Variants in CFAP263 observed in about 807,000 individuals in gnomAD.
CFAP263 encodes cilia- and flagella-associated protein 263.
chr16:58,269,277 G>A, the CFAP263 span, among the ~76,000 whole-genome samples: 1 of 152,258 alleles, frequency 6.6e-6, no homozygotes, highest in East Asian at 1.9e-4. Context: ...GTTGCAGTGA[G>A]CCAAGATCGT....
the CFAP263 span, among the ~76,000 whole-genome samples, chr16:58,276,753 T>C: frequency 6.8e-3 from 1,035 of 152,344 alleles, 2 homozygotes; most frequent in Middle Eastern, 0.014. Flanking sequence ...GATTAAACAG[T>C]TAAGTGACTG....
At chr16:58,254,857 G>A in the CFAP263 span, among the ~76,000 whole-genome samples, 4 of 151,926 alleles carry the variant, frequency 2.6e-5, no homozygotes, top group African/African-American at 4.8e-5. Flanking sequence ...CGCCTGCCTC[G>A]GCCTCCCAAA....
the CFAP263 span, among the ~76,000 whole-genome samples, chr16:58,265,245 G>A: frequency 5.8e-3 from 884 of 152,370 alleles, 12 homozygotes; most frequent in East Asian, 0.056. Context: ...TCTGTTCAAT[G>A]ATTCGGTTAT....
At chr16:58,276,008 A>G in the CFAP263 span, among the ~76,000 whole-genome samples, 1 of 152,248 alleles carries the variant, frequency 6.6e-6, no homozygotes, top group African/African-American at 2.4e-5. Context: ...CATAGCAAAA[A>G]TGATCATAAG....
the CFAP263 span, among the ~76,000 whole-genome samples, chr16:58,266,852 A>G: frequency 6.6e-6 from 1 of 152,146 alleles, no homozygotes; most frequent in East Asian, 1.9e-4. Context: ...GGACTCCTCT[A>G]AAACTAGCAG....
At chr16:58,257,555 T>C in the CFAP263 span, among the ~76,000 whole-genome samples, 3 of 152,180 alleles carry the variant, frequency 2.0e-5, no homozygotes, top group African/African-American at 7.2e-5. Context: ...TGCCTCAGCC[T>C]CCTGAGCAGC....
chr16:58,274,086 T>C, the CFAP263 span, among the ~76,000 whole-genome samples: 2 of 152,220 alleles, frequency 1.3e-5, no homozygotes, highest in Non-Finnish European at 2.9e-5. Context: ...AGCTAATTGC[T>C]CTATTGCTTT....
chr16:58,279,783 G>C, the CFAP263 span: 1 of 1,606,480 alleles, frequency 6.2e-7, no homozygotes, highest in Non-Finnish European at 8.5e-7. Flanking sequence ...AGTAGCCAGA[G>C]GCAGGCCACG....
the CFAP263 span, among the ~76,000 whole-genome samples, chr16:58,276,558 C>CA: frequency 1.3e-5 from 2 of 152,178 alleles, no homozygotes; most frequent in African/African-American, 4.8e-5. Flanking sequence ...CTAATTCCCA[C>CA]AAAAATGTCT....
the CFAP263 span, chr16:58,278,371 C>A: frequency 1.1e-6 from 1 of 943,588 alleles, no homozygotes; most frequent in Non-Finnish European, 1.6e-6. Context: ...AAAATGTAAA[C>A]ATTATTTTTG....
At chr16:58,251,200 A>G in the CFAP263 span, among the ~76,000 whole-genome samples, 2 of 152,190 alleles carry the variant, frequency 1.3e-5, no homozygotes, top group Non-Finnish European at 2.9e-5. Flanking sequence ...AACCCTAGGA[A>G]GTGGGTAAGG....
At chr16:58,258,484 G>A in the CFAP263 span, 1 of 1,614,116 alleles carries the variant, frequency 6.2e-7, no homozygotes, top group Non-Finnish European at 8.5e-7. Flanking sequence ...TGGCCACTCA[G>A]AAAGTGATGA....
the CFAP263 span, among the ~76,000 whole-genome samples, chr16:58,250,764 C>CAA: frequency 0.035 from 3,570 of 101,748 alleles, 73 homozygotes; most frequent in East Asian, 0.048. Context: ...GACTAAGTCT[C>CAA]AAAAAAAAAA....
the CFAP263 span, among the ~76,000 whole-genome samples, chr16:58,274,612 C>T: frequency 3.9e-5 from 6 of 152,228 alleles, no homozygotes; most frequent in African/African-American, 1.4e-4. Flanking sequence ...CCTGCATGTG[C>T]TCTCACTCCT....
the CFAP263 span, chr16:58,278,775 T>C: frequency 1.3e-6 from 1 of 763,588 alleles, no homozygotes; most frequent in Non-Finnish European, 2.1e-6. Flanking sequence ...GCTTTAACTA[T>C]TAAACCAAGA....
the CFAP263 span, among the ~76,000 whole-genome samples, chr16:58,268,076 C>T: frequency 0.58 from 88,369 of 151,182 alleles, 26,879 homozygotes; most frequent in African/African-American, 0.75. Context: ...CATAACCATA[C>T]GACATCTCGC....
the CFAP263 span, among the ~76,000 whole-genome samples, chr16:58,265,471 C>T: frequency 2.5e-4 from 38 of 152,272 alleles, no homozygotes; most frequent in African/African-American, 8.2e-4. Flanking sequence ...GAGCTGAGAG[C>T]GACCTCCTGC....
the CFAP263 span, chr16:58,283,416 T>G: frequency 6.6e-6 from 1 of 152,206 alleles, no homozygotes; most frequent in Non-Finnish European, 1.5e-5. Flanking sequence ...AGATGGTCAG[T>G]TAGAGTAGAA....
the CFAP263 span, among the ~76,000 whole-genome samples, chr16:58,266,401 ATATATTTTTTTTTT>A: frequency 0.012 from 511 of 41,658 alleles, 2 homozygotes; most frequent in South Asian, 0.025. Flanking sequence ...ATATATATAT[ATATATTTTTTTTTT>A]TTTTTTTTTT....
Sources: gnomAD v4.1 joint callset for allele counts (sites outside exome capture counted in the v4.1 genomes callset) on GRCh38, gnomAD v4.1.1 for gene constraint, MANE v1.5 for transcripts, NCBI Gene and HGNC (gene_info 2026-07-23, HGNC 2026-07-21) for gene names.